EPB41L5: variants seen among roughly 807,000 people sequenced by gnomAD.
EPB41L5 encodes band 4.1-like protein 5.
Under a neutral mutation model 106.6 loss-of-function variants are expected in EPB41L5, and 55 were observed. The observed-to-expected ratio is 0.52, with a 90% confidence interval of 0.42 to 0.65. EPB41L5 has a LOEUF of 0.65. EPB41L5 is among the 30% of genes least tolerant of loss of function. EPB41L5 has a pLI of 0.00. For missense variants in EPB41L5, 871 were observed against 882.1 expected (o/e 0.99, Z 0.16); for synonymous variants, 297 against 306.7 (o/e 0.97, Z 0.33).
intron 18 of EPB41L5, among the ~76,000 whole-genome samples, chr2:120,135,086 A>C (rs1255114178): frequency 6.6e-6 from 1 of 152,224 alleles, no homozygotes; most frequent in Non-Finnish European, 1.5e-5. Flanking sequence ...GAATTCTATC[A>C]GATAAATTTA....
chr2:120,036,145 A>T (rs551503775), intron 2 of EPB41L5, among the ~76,000 whole-genome samples: 1 of 152,330 alleles, frequency 6.6e-6, no homozygotes, highest in South Asian at 2.1e-4. Context: ...CTGCCTAAAA[A>T]GTTTCTCACC....
chr2:120,028,123 C>CAA (rs1341922422), intron 2 of EPB41L5, among the ~76,000 whole-genome samples: 1 of 152,128 alleles, frequency 6.6e-6, no homozygotes, highest in East Asian at 1.9e-4. Context: ...CTCGGCCTCC[C>CAA]AAAGTGCTGG....
chr2:120,162,740 G>A (rs1227256111), intron 21 of EPB41L5, among the ~76,000 whole-genome samples: 1 of 152,168 alleles, frequency 6.6e-6, no homozygotes, highest in Non-Finnish European at 1.5e-5. Context: ...AATGAAACAT[G>A]GTCTCAGCTT....
In EPB41L5 at chr2:120,050,601, G is replaced by A. The variant is rs58160170; in HGVS notation, c.285+8491G>A. 5.4e-3 allele frequency among the ~76,000 whole-genome samples: 824 copies of A among 152,230 alleles called. 5 individuals carry two copies. Among genetic ancestry groups the A allele is most frequent in the African/African-American group, 0.018 (761 of 41,520 alleles). On this transcript the variant is annotated intron_variant, in intron 3 of 24. Transcript: ENST00000263713. The stretch of plus-strand genomic sequence containing the variant: ...TTTTTAGCTTCTTTGTGATGGGTTC[G>A]AACATCCTCCTTTAGCTCGGAGAAG...
chr2:120,084,162 A>C (rs1682891189), intron 10 of EPB41L5, among the ~76,000 whole-genome samples: 1 of 152,114 alleles, frequency 6.6e-6, no homozygotes, highest in Non-Finnish European at 1.5e-5. Flanking sequence ...CACAGCTAAC[A>C]TGCTGTGATG....
chr2:120,167,239 G>A (rs1379916348), intron 22 of EPB41L5, among the ~76,000 whole-genome samples: 2 of 152,170 alleles, frequency 1.3e-5, no homozygotes, highest in African/African-American at 2.4e-5. Context: ...TTAGATAAGA[G>A]ATTCTCAAAA....
At chr2:120,037,827 A>G (rs1679138477) in intron 2 of EPB41L5, among the ~76,000 whole-genome samples, 1 of 152,196 alleles carries the variant, frequency 6.6e-6, no homozygotes, top group Non-Finnish European at 1.5e-5. Context: ...GTGATGAGAA[A>G]ACTGGATACC....
chr2:120,164,723 G>T, intron 21 of EPB41L5, 113 bp from the exon 22 acceptor site: 1 of 656,482 alleles, frequency 1.5e-6, no homozygotes, highest in Admixed American at 3.1e-5. Context: ...GTATTTAAAG[G>T]ATTAACACTA....
intron 19 of EPB41L5, 60 bp downstream of exon 19, chr2:120,143,191 T>A (rs975772312): frequency 6.9e-7 from 1 of 1,446,334 alleles, no homozygotes; most frequent in Non-Finnish European, 9.2e-7. Context: ...TGTAGAGAGT[T>A]GCCTTCCCCA....
chr2:120,074,391 A>G (rs1443518763), intron 5 of EPB41L5: 2 of 488,494 alleles, frequency 4.1e-6, no homozygotes. Context: ...GTTTCTTAGC[A>G]TCCTCCAAAG....
intron 16 of EPB41L5, among the ~76,000 whole-genome samples, chr2:120,120,245 A>G (rs1275666681): frequency 2.6e-5 from 4 of 152,036 alleles, no homozygotes; most frequent in African/African-American, 7.2e-5. Context: ...CCTGGCCAAC[A>G]TGGTGAAACC....
intron 20 of EPB41L5, among the ~76,000 whole-genome samples, chr2:120,147,406 G>A (rs1453303295): frequency 2.6e-5 from 4 of 151,832 alleles, no homozygotes; most frequent in East Asian, 1.9e-4. Context: ...ACTTTGGATC[G>A]CCTGAGGTCA....
In EPB41L5 at chr2:120,154,473, A is replaced by G. The variant is rs187318763; in HGVS notation, c.1794-6408A>G. Among the ~76,000 whole-genome samples the G allele has an allele frequency of 5.0e-3, 750 of 151,464 alleles. 11 individuals are homozygous for G. Among genetic ancestry groups the G allele is most frequent in the African/African-American group, 0.017 (721 of 41,304 alleles). ...AGCCACTGCACCCGGCCCCTTCCCT[A>G]TATTTAAAAATTTATCCCTTAGTGG... On this transcript the variant is annotated intron_variant, in intron 20 of 24. Transcript: ENST00000263713.
intron 15 of EPB41L5, 142 bp from the exon 16 acceptor site, chr2:120,100,557 A>C: frequency 1.5e-6 from 1 of 681,978 alleles, no homozygotes; most frequent in Non-Finnish European, 2.6e-6. Context: ...TTCATTAACT[A>C]TCTCTAAGGT....
intron 2 of EPB41L5, among the ~76,000 whole-genome samples, chr2:120,034,317 TAAG>T: frequency 6.6e-6 from 1 of 152,274 alleles, no homozygotes; most frequent in African/African-American, 2.4e-5. Context: ...TTTGGCAGAA[TAAG>T]GAGGAGAGTT....
At chr2:120,140,263 T>G (rs552141807) in intron 18 of EPB41L5, among the ~76,000 whole-genome samples, 1 of 151,992 alleles carries the variant, frequency 6.6e-6, no homozygotes, top group Non-Finnish European at 1.5e-5. Flanking sequence ...GTGACTACAG[T>G]CAATAACTTA....
chr2:120,024,279 G>GT (rs1678153744), intron 2 of EPB41L5, among the ~76,000 whole-genome samples: 1 of 152,124 alleles, frequency 6.6e-6, no homozygotes, highest in Non-Finnish European at 1.5e-5. Flanking sequence ...AATGCTTCCA[G>GT]TTTTTGCCCA....
chr2:120,053,022 C>T (rs1187272967), intron 3 of EPB41L5, among the ~76,000 whole-genome samples: 1 of 152,162 alleles, frequency 6.6e-6, no homozygotes, highest in Admixed American at 6.6e-5. Context: ...CTAGCCTCTC[C>T]CTGTGTACAT....
chr2:120,171,117 A>C (rs1030766786), intron 24 of EPB41L5, among the ~76,000 whole-genome samples: 1 of 152,228 alleles, frequency 6.6e-6, no homozygotes, highest in African/African-American at 2.4e-5. Flanking sequence ...CATGAGGACA[A>C]AGAACAGGAA....
Sources: gnomAD v4.1 joint callset for allele counts (sites outside exome capture counted in the v4.1 genomes callset) on GRCh38, gnomAD v4.1.1 for gene constraint, MANE v1.5 for transcripts, NCBI Gene and HGNC (gene_info 2026-07-23, HGNC 2026-07-21) for gene names.